FAM133B: variants seen among roughly 807,000 people sequenced by gnomAD.
FAM133B encodes family with sequence similarity 133 member B, also known as protein FAM133B.
A neutral mutation model predicts 46.4 loss-of-function variants in FAM133B; 25 were observed. The observed-to-expected ratio is 0.54, with a 90% CI of 0.39 to 0.75. FAM133B has a LOEUF of 0.75. Among genes scored for constraint, FAM133B ranks in the 30% least tolerant of loss-of-function variants. FAM133B has a pLI of 0.00. For missense variants in FAM133B, 205 were observed against 277.6 expected (o/e 0.74, Z 1.86); for synonymous variants, 75 against 86.0 (o/e 0.87, Z 0.71).
intron 1 of FAM133B, among the ~76,000 whole-genome samples, chr7:92,582,976 T>A (rs1794932298): frequency 2.0e-5 from 3 of 152,164 alleles, no homozygotes; most frequent in Admixed American, 2.0e-4. Flanking sequence ...TATATCTAGG[T>A]ATACACCCAA....
At chr7:92,571,622 A>T (rs1466213836) in intron 8 of FAM133B, among the ~76,000 whole-genome samples, 1 of 152,132 alleles carries the variant, frequency 6.6e-6, no homozygotes, top group Non-Finnish European at 1.5e-5. Context: ...ATTTGGCTTT[A>T]TGTAGTGGCC....
intron 10 of FAM133B, among the ~76,000 whole-genome samples, chr7:92,562,730 A>C (rs1301136172): frequency 6.6e-6 from 1 of 152,214 alleles, no homozygotes; most frequent in African/African-American, 2.4e-5. Flanking sequence ...CCAAATAAAA[A>C]CATAATTGTT....
At chr7:92,590,190 G>T in intron 1 of FAM133B, 78 bp downstream of exon 1, 1 of 1,609,400 alleles carries the variant, frequency 6.2e-7, no homozygotes. Flanking sequence ...CTCCGGCCCG[G>T]CCGGGAACAG....
At position 92,581,538 on chromosome 7, in the gene FAM133B, T is replaced by C. The variant is rs1266013580; in HGVS notation, c.90A>G (p.Ile30Met). The C allele has an allele frequency of 1.2e-6, 2 of 1,613,800 alleles. No homozygotes were observed. The highest frequency in any genetic ancestry group is 2.7e-5 in the African/African-American group (2 of 74,946). The change falls in exon 2 of 11, where the codon ATA becomes ATG. Residue 30 changes from isoleucine to methionine, a missense_variant. Physicochemically the swap from Ile to Met is conservative, Grantham distance 10 (BLOSUM62 1). Transcript: ENST00000445716. ...GCCTTGGTCGATTCAGATAATCCTG[T>C]ATTGTTGGCCCTGAAGACTGGATTG... ...RGPIQSSGPT[I>M]QDYLNRPRPT...
At chr7:92,573,605 C>T (rs995640073) in intron 8 of FAM133B, among the ~76,000 whole-genome samples, 1 of 151,616 alleles carries the variant, frequency 6.6e-6, no homozygotes, top group Non-Finnish European at 1.5e-5. Flanking sequence ...TTAAAAATTG[C>T]AGTTCAGTTT....
intron 6 of FAM133B, 76 bp downstream of exon 6, chr7:92,577,579 T>A (rs1346126645): frequency 8.0e-7 from 1 of 1,249,332 alleles, no homozygotes; most frequent in Non-Finnish European, 1.1e-6. Flanking sequence ...CTAACAGATA[T>A]TTCACAATGG....
chr7:92,567,907 G>C (rs1037712079), intron 9 of FAM133B, among the ~76,000 whole-genome samples: 1 of 151,896 alleles, frequency 6.6e-6, no homozygotes, highest in African/African-American at 2.4e-5. Context: ...GGGATTGCGG[G>C]TCTGTGCCAC....
chr7:92,578,095 T>A, intron 5 of FAM133B, 55 bp downstream of exon 5: 2 of 1,468,546 alleles, frequency 1.4e-6, no homozygotes, highest in Non-Finnish European at 1.9e-6. Context: ...TTATTCTTAC[T>A]TTTTTTGTTG....
intron 9 of FAM133B, among the ~76,000 whole-genome samples, chr7:92,568,546 T>TA (rs1400119410): frequency 6.7e-6 from 1 of 149,790 alleles, no homozygotes; most frequent in African/African-American, 2.5e-5. Context: ...TTTTTTTTTT[T>TA]TAGCAGAGAT....
chr7:92,583,122 A>G (rs548185379), intron 1 of FAM133B, among the ~76,000 whole-genome samples: 2 of 152,382 alleles, frequency 1.3e-5, no homozygotes, highest in African/African-American at 4.8e-5. Context: ...TGGTATATAC[A>G]TACAATGGAA....
At chr7:92,580,641 G>GC (rs1288935561) in intron 2 of FAM133B, among the ~76,000 whole-genome samples, 4 of 152,184 alleles carry the variant, frequency 2.6e-5, no homozygotes, top group African/African-American at 2.4e-5. Context: ...GTGCTTGGTA[G>GC]CCCTTCACAG....
At chr7:92,566,971 T>C (rs1011518883) in intron 9 of FAM133B, among the ~76,000 whole-genome samples, 18 of 152,062 alleles carry the variant, frequency 1.2e-4, no homozygotes, top group African/African-American at 3.4e-4. Context: ...AGCGCTTTGA[T>C]AGGCCAAGGT....
chr7:92,578,092 T>C lies in FAM133B; in HGVS notation c.309+58A>G, dbSNP rs1794754822. ...GCATACAGGTTAAACAAATTATTCT[T>C]ACTTTTTTTGTTGGCTCTTAATTGT... On this transcript the variant is annotated intron_variant, in intron 5 of 10. Coordinates refer to ENST00000445716, the MANE Select transcript of FAM133B (RefSeq NM_152789.4). The C allele has an allele frequency of 6.2e-6, 9 of 1,452,584 alleles. No individual in the cohort carries two copies. The Admixed American group carries it at 1.5e-4, about 23-fold the overall frequency. 90.0% of individuals were successfully genotyped at this position (1,452,584 alleles called of 1,614,324 possible). A position where few individuals can be genotyped will look rare whatever the true frequency, so the allele number is the denominator to read the frequency against.
intron 1 of FAM133B, among the ~76,000 whole-genome samples, chr7:92,585,962 A>C (rs1006997106): frequency 6.6e-6 from 1 of 152,212 alleles, no homozygotes; most frequent in African/African-American, 2.4e-5. Context: ...TTTCATTCTA[A>C]TGAAAAAAAT....
intron 8 of FAM133B, among the ~76,000 whole-genome samples, chr7:92,570,158 T>C (rs745471235): frequency 3.3e-5 from 5 of 152,166 alleles, no homozygotes; most frequent in Non-Finnish European, 5.9e-5. Context: ...TCTTAAATTA[T>C]ACAGAATAGA....
intron 1 of FAM133B, 175 bp downstream of exon 1, chr7:92,590,093 G>T (rs766747519): frequency 9.5e-6 from 8 of 837,782 alleles, no homozygotes; most frequent in African/African-American, 1.7e-5. Flanking sequence ...ACCCTAAAGC[G>T]CCAACTGCGT....
intron 8 of FAM133B, among the ~76,000 whole-genome samples, chr7:92,571,228 T>C (rs1794519841): frequency 6.6e-6 from 1 of 152,202 alleles, no homozygotes; most frequent in African/African-American, 2.4e-5. Context: ...CTGTCATCCA[T>C]TTATGAATCA....
intron 3 of FAM133B, chr7:92,579,096 T>C: frequency 2.1e-6 from 1 of 480,198 alleles, no homozygotes; most frequent in Non-Finnish European, 3.8e-6. Context: ...ACTTCTAAAA[T>C]ACAGAACCTC....
chr7:92,574,830 G>A (rs559987716), intron 8 of FAM133B, among the ~76,000 whole-genome samples: 1,576 of 151,616 alleles, frequency 0.01, 11 homozygotes, highest in Middle Eastern at 0.062. Context: ...GCATGAACCC[G>A]GGAAGCGGAG....
Sources: gnomAD v4.1 joint callset for allele counts (sites outside exome capture counted in the v4.1 genomes callset) on GRCh38, gnomAD v4.1.1 for gene constraint, MANE v1.5 for transcripts, NCBI Gene and HGNC (gene_info 2026-07-23, HGNC 2026-07-21) for gene names.